Variants in CC2D2A observed in about 807,000 individuals in gnomAD.
CC2D2A encodes coiled-coil and C2 domain containing 2A.
A neutral mutation model predicts 212.9 loss-of-function variants in CC2D2A; 155 were observed. The observed-to-expected ratio is 0.73, with a 90% confidence interval of 0.64 to 0.83. The LOEUF (loss-of-function observed/expected upper bound fraction) is 0.83. CC2D2A is among the 40% of genes least tolerant of loss of function. The pLI is 0.00. For synonymous variants in CC2D2A, 667 were observed against 686.5 expected (o/e 0.97, Z 0.44); for missense variants, 1,856 against 1,956.2 (o/e 0.95, Z 0.97).
chr4:15,564,009 C>G (rs190025084), intron 24 of CC2D2A: 165 of 163,128 alleles, frequency 1.0e-3, no homozygotes, highest in African/African-American at 3.9e-3. Flanking sequence ...GAGATAGGAA[C>G]AGATCTCAGA....
At chr4:15,579,594 C>G (rs1318779498) in intron 29 of CC2D2A, among the ~76,000 whole-genome samples, 1 of 152,166 alleles carries the variant, frequency 6.6e-6, no homozygotes, top group Non-Finnish European at 1.5e-5. Flanking sequence ...GGCCGCCCCC[C>G]AGCCTGCACA....
intron 2 of CC2D2A, among the ~76,000 whole-genome samples, chr4:15,477,188 G>C (rs934593212): frequency 6.6e-6 from 1 of 151,962 alleles, no homozygotes; most frequent in Non-Finnish European, 1.5e-5. Context: ...TGTAATCCCA[G>C]CTACTTGGGA....
chr4:15,523,792 C>T (rs545156282), intron 11 of CC2D2A, among the ~76,000 whole-genome samples: 1 of 152,284 alleles, frequency 6.6e-6, no homozygotes, highest in African/African-American at 2.4e-5. Context: ...GCAGGCATGA[C>T]AGAATTCTCT....
chr4:15,591,278 G>A (rs567299650), intron 33 of CC2D2A, among the ~76,000 whole-genome samples: 6 of 149,606 alleles, frequency 4.0e-5, no homozygotes, highest in Admixed American at 6.7e-5. Context: ...GGAGTGCAAC[G>A]GAGCGATCTC....
chr4:15,488,698 C>T (rs1445310500), intron 4 of CC2D2A, among the ~76,000 whole-genome samples: 5 of 152,210 alleles, frequency 3.3e-5, no homozygotes, highest in Non-Finnish European at 1.5e-5. Context: ...CAGCTCCTCA[C>T]CTTGAACCTG....
At chr4:15,588,917 T>TA (rs1225131186) in intron 32 of CC2D2A, among the ~76,000 whole-genome samples, 1 of 151,496 alleles carries the variant, frequency 6.6e-6, no homozygotes, top group South Asian at 2.1e-4. Context: ...AAATAAATAA[T>TA]AAAAAAATTC....
At chr4:15,477,512 G>A (rs932536269) in intron 2 of CC2D2A, among the ~76,000 whole-genome samples, 14 of 152,172 alleles carry the variant, frequency 9.2e-5, no homozygotes, top group Non-Finnish European at 1.9e-4. Context: ...AAACATCACG[G>A]AAAAGCAAAA....
chr4:15,483,836 G>T (rs911943207), intron 4 of CC2D2A, among the ~76,000 whole-genome samples: 1 of 152,178 alleles, frequency 6.6e-6, no homozygotes, highest in African/African-American at 2.4e-5. Flanking sequence ...CTTTAAGAGA[G>T]TTCTCTGATT....
chr4:15,537,835 G>T, intron 15 of CC2D2A, 64 bp from the exon 16 acceptor site: 3 of 1,509,136 alleles, frequency 2.0e-6, no homozygotes, highest in South Asian at 1.3e-5. Context: ...TGGCTATGAA[G>T]ACTGTGCTCT....
intron 36 of CC2D2A, 63 bp from the exon 37 acceptor site, chr4:15,601,174 G>T: frequency 7.6e-7 from 1 of 1,316,970 alleles, no homozygotes; most frequent in Non-Finnish European, 1.1e-6. Flanking sequence ...ATACATTTAC[G>T]TAGGAAAAAA....
chr4:15,497,858 T>C (rs1349213131), intron 4 of CC2D2A, among the ~76,000 whole-genome samples: 1 of 91,156 alleles, frequency 1.1e-5, no homozygotes, highest in Non-Finnish European at 3.0e-5. Context: ...CTTTGTGGTA[T>C]ATGGCTTATA....
At position 15,574,299 on chromosome 4, in the gene CC2D2A, G is replaced by T. The variant is rs755747140; in HGVS notation, c.3744G>T (p.Leu1248=). The part of the protein sequence containing the change: ...ITLFITIEPQ[L]VPGESIREKF... ...TCTTTATTACCATTGAGCCCCAGCT[G>T]GTTCCTGGAGAGTCCATTCGAGAAA... The change falls in exon 29 of 37, where the codon CTG becomes CTT. Residue 1248 remains leucine (L), a synonymous_variant. Coordinates refer to ENST00000424120, the MANE Select transcript of CC2D2A (RefSeq NM_001378615.1). The T allele has an allele frequency of 3.2e-5, 49 of 1,550,266 alleles. No homozygotes were observed. Among genetic ancestry groups the T allele is most frequent in the Middle Eastern group, 1.7e-4 (1 of 6,004 alleles).
In CC2D2A at chr4:15,515,948, G is replaced by A. The variant is rs1281011314; in HGVS notation, c.961G>A (p.Glu321Lys). The change falls in exon 10 of 37, where the codon GAG (glutamate) becomes AAG (lysine). Residue 321 changes from glutamate to lysine, a missense_variant. Physicochemically the swap from Glu to Lys is moderately conservative, Grantham distance 56. Transcript: ENST00000424120. ...AGGCCTTTACACCGGGGTAAGACCA[G>A]AGGTGGCACGCACCAATCAGAACAT... Reference protein sequence around the residue: ...DEGLYTGVRPEVARTNQNIME... With the variant: ...DEGLYTGVRPKVARTNQNIME... 2 of 1,576,196 alleles carry A rather than the reference G, an allele frequency of 1.3e-6. No homozygotes were observed. Among genetic ancestry groups the A allele is most frequent in the Admixed American group, 1.8e-5 (1 of 54,486 alleles).
At chr4:15,538,504 A>G (rs1340115857) in intron 16 of CC2D2A, among the ~76,000 whole-genome samples, 1 of 152,086 alleles carries the variant, frequency 6.6e-6, no homozygotes, top group African/African-American at 2.4e-5. Flanking sequence ...CCTTCAGTCC[A>G]CTGGTAGCAT....
intron 22 of CC2D2A, 40 bp downstream of exon 22, chr4:15,559,297 A>G: frequency 7.6e-7 from 1 of 1,315,990 alleles, no homozygotes; most frequent in Non-Finnish European, 1.1e-6. Flanking sequence ...TAGGGAGAAA[A>G]GAGCCAGCAC....
intron 1 of CC2D2A, among the ~76,000 whole-genome samples, chr4:15,470,683 CTCTCTCTATATA>C (rs1194028876): frequency 2.4e-4 from 13 of 54,340 alleles, no homozygotes; most frequent in South Asian, 6.8e-4. Context: ...CTCTCTCTCT[CTCTCTCTATATA>C]TATATATATA....
Position 15,601,264 on chromosome 4 carries a change from T to C in CC2D2A, c.4702T>C (p.Tyr1568His). 6.2e-7 allele frequency: 1 copy of C among 1,613,036 alleles called. No homozygotes were observed. Among genetic ancestry groups the C allele is most frequent in the African/African-American group, 1.3e-5 (1 of 75,048 alleles). ...CTCTGGATTTCCTCTTCACATGCCT[T>C]ATTCTGAAGTGAAGCCTTTAATTGA... is the stretch of plus-strand genomic sequence containing the variant. The part of the protein sequence containing the change: ...RFSGFPLHMP[Y>H]SEVKPLIDAV... The change falls in exon 37 of 37, where the codon TAT (tyrosine) becomes CAT (histidine). Residue 1568 changes from tyrosine (Y) to histidine (H), a missense_variant. By Grantham distance (83) the Tyr-to-His change is moderately conservative (BLOSUM62 2). Transcript: ENST00000424120.
chr4:15,561,406 T>C (rs1490537509), intron 23 of CC2D2A, among the ~76,000 whole-genome samples: 1 of 152,108 alleles, frequency 6.6e-6, no homozygotes, highest in Non-Finnish European at 1.5e-5. Flanking sequence ...CCTTTCCACA[T>C]ATAGAAAGGA....
Position 15,580,020 on chromosome 4 carries a change from C to A in CC2D2A, c.3824C>A (p.Ala1275Asp). ...KLLQATEKFQ[A>D]ECALKFPNRQ... ...CTTCAAGCAACTGAGAAGTTTCAAG[C>A]TGAATGTGCCTTAAAGTTTCCAAAT... Residue 1275 changes from alanine (A) to aspartate (D), a missense_variant, in exon 30 of 37, where the codon GCT becomes GAT. Ala to Asp is a moderately radical substitution (Grantham distance 126). Around this residue, in one of 5 missense-constraint regions of CC2D2A, gnomAD observed 1,512 missense variants for 1,579.3 expected, o/e 0.96. Coordinates refer to ENST00000424120, the MANE Select transcript of CC2D2A (RefSeq NM_001378615.1). 1.9e-6 allele frequency: 3 copies of A among 1,613,938 alleles called. No homozygotes were observed. The highest frequency in any genetic ancestry group is 2.5e-6 in the Non-Finnish European group (3 of 1,179,858).
Sources: gnomAD v4.1 joint callset for allele counts (sites outside exome capture counted in the v4.1 genomes callset) on GRCh38, gnomAD v4.1.1 for gene constraint, gnomAD v4.1.1 regional missense constraint, MANE v1.5 for transcripts, NCBI Gene and HGNC (gene_info 2026-07-23, HGNC 2026-07-21) for gene names.